The following PARD3B variants were observed in gnomAD, a reference collection of about 807,000 sequenced individuals.
PARD3B encodes partitioning defective 3 homolog B.
A neutral mutation model predicts 130.2 loss-of-function variants in PARD3B; 103 were observed. The observed-to-expected ratio is 0.79, with a 90% CI of 0.67 to 0.93. PARD3B has a LOEUF of 0.93. Among genes scored for constraint, PARD3B ranks in the 40% least tolerant of loss-of-function variants. PARD3B has a pLI of 0.00. For synonymous variants in PARD3B, 583 were observed against 553.2 expected (o/e 1.05, Z -0.76); for missense variants, 1,609 against 1,499.2 (o/e 1.07, Z -1.21).
At chr2:204,978,643 T>A (rs957972314) in intron 3 of PARD3B, among the ~76,000 whole-genome samples, 1 of 152,094 alleles carries the variant, frequency 6.6e-6, no homozygotes, top group African/African-American at 2.4e-5. Context: ...CTTTTTTGCC[T>A]CCTCCTTTCC....
intron 1 of PARD3B, among the ~76,000 whole-genome samples, chr2:204,592,299 T>C (rs908105289): frequency 6.6e-6 from 1 of 152,268 alleles, no homozygotes; most frequent in East Asian, 1.9e-4. Context: ...AGTAGTCTTA[T>C]GACCTAGTGG....
At position 204,907,069 on chromosome 2, in the gene PARD3B, C is replaced by T. The variant is rs1444437043; in HGVS notation, c.223-58083C>T. Among the ~76,000 whole-genome samples, 1 of 152,082 alleles carries T rather than the reference C, an allele frequency of 6.6e-6. No individual in the cohort carries two copies. The highest frequency in any genetic ancestry group is 6.5e-5 in the Admixed American group (1 of 15,268). The stretch of plus-strand genomic sequence containing the variant: ...GATCTCGGCTCACTGTAACCTCCAC[C>T]TCCCGGGTTGTAGCAATTCTCCTGC... On this transcript the variant is annotated intron_variant, in intron 2 of 22. Transcript: ENST00000406610. This position sits in a 1 kb window ranked among gnomAD's most constrained non-coding sequence, Gnocchi z 5.7.
At chr2:205,305,746 G>C (rs1432174543) in intron 18 of PARD3B, among the ~76,000 whole-genome samples, 1 of 152,076 alleles carries the variant, frequency 6.6e-6, no homozygotes, top group Non-Finnish European at 1.5e-5. Context: ...GTCTTCATCT[G>C]AAACATGAGA....
rs540062563 is a variant in PARD3B at position 205,030,803 on chromosome 2, G to A, written c.395-16778G>A. ...TGTTTCATGGCCACAGATTCCTCCC[G>A]TGTTAGTATGCATGGCCCTTTGTAA... On this transcript the variant is annotated intron_variant, in intron 3 of 22. Coordinates refer to ENST00000406610, the MANE Select transcript of PARD3B (RefSeq NM_001302769.2). Among the ~76,000 whole-genome samples, 13 of 152,168 alleles carry A rather than the reference G, an allele frequency of 8.5e-5. No homozygotes were observed. In the East Asian group the frequency reaches 2.1e-3, roughly 25 times the overall value.
At chr2:204,680,036 C>T (rs2036750834) in intron 1 of PARD3B, among the ~76,000 whole-genome samples, 1 of 151,700 alleles carries the variant, frequency 6.6e-6, no homozygotes, top group South Asian at 2.1e-4. Context: ...CTTGTAATAT[C>T]CTTGTAAGGA....
At chr2:205,379,463 ATTATAT>A (rs2045221987) in intron 18 of PARD3B, among the ~76,000 whole-genome samples, 1 of 151,888 alleles carries the variant, frequency 6.6e-6, no homozygotes, top group South Asian at 2.1e-4. Flanking sequence ...GTCTAATATT[ATTATAT>A]TTGGGGTTTT....
At chr2:205,586,749 T>C (rs1238334213) in intron 22 of PARD3B, among the ~76,000 whole-genome samples, 4 of 152,200 alleles carry the variant, frequency 2.6e-5, no homozygotes. Flanking sequence ...TAGTATTTGA[T>C]GCCCTGTTAT....
At position 205,300,136 on chromosome 2, in the gene PARD3B, G is replaced by C. The variant is rs1427972939; in HGVS notation, c.2186-394G>C. 6.6e-6 allele frequency among the ~76,000 whole-genome samples: 1 copy of C among 152,188 alleles called. No individual in the cohort carries two copies. Among genetic ancestry groups the C allele is most frequent in the Non-Finnish European group, 1.5e-5 (1 of 68,032 alleles). ...GCTTGGTATGTTTGTGTGTGTGTCT[G>C]TGAGTATGCATGTGTGTATGTGGGT... On this transcript the variant is annotated intron_variant, in intron 16 of 22. Transcript: ENST00000406610. The surrounding 1 kb of genome is among the most constrained non-coding windows in gnomAD (Gnocchi z 4.1).
At chr2:204,964,371 C>G (rs767432436) in intron 2 of PARD3B, among the ~76,000 whole-genome samples, 3 of 152,130 alleles carry the variant, frequency 2.0e-5, no homozygotes, top group Non-Finnish European at 4.4e-5. Context: ...TTAAAGATAC[C>G]TTGCCCTTAT....
intron 19 of PARD3B, among the ~76,000 whole-genome samples, chr2:205,413,674 T>A (rs759152037): frequency 6.6e-6 from 1 of 152,144 alleles, no homozygotes; most frequent in African/African-American, 2.4e-5. Context: ...AAATGAATCA[T>A]TGAAGCATAG....
chr2:205,503,142 G>A (rs749736767), intron 21 of PARD3B, among the ~76,000 whole-genome samples: 16 of 151,834 alleles, frequency 1.1e-4, no homozygotes, highest in Non-Finnish European at 2.2e-4. Context: ...GTGTAGACCA[G>A]GTGCTGATAA....
chr2:205,552,031 C>T (rs532930598), intron 21 of PARD3B, among the ~76,000 whole-genome samples: 5 of 152,146 alleles, frequency 3.3e-5, no homozygotes, highest in South Asian at 2.1e-4. Context: ...CTTTTAAATA[C>T]GTGTTACGTG....
intron 2 of PARD3B, among the ~76,000 whole-genome samples, chr2:204,832,241 A>G (rs929050162): frequency 2.6e-5 from 4 of 151,974 alleles, no homozygotes; most frequent in Non-Finnish European, 1.5e-5. Flanking sequence ...ACAAACAAAC[A>G]AACAAAAACA....
chr2:204,709,901 T>C (rs920640555), intron 2 of PARD3B, among the ~76,000 whole-genome samples: 1 of 152,236 alleles, frequency 6.6e-6, no homozygotes, highest in African/African-American at 2.4e-5. Context: ...TTTAAGTGAT[T>C]GTGAAATAAT....
At chr2:204,778,169 G>A (rs976161855) in intron 2 of PARD3B, among the ~76,000 whole-genome samples, 2 of 149,072 alleles carry the variant, frequency 1.3e-5, no homozygotes, top group African/African-American at 2.5e-5. Context: ...AAAAAAGATC[G>A]TCATCTTGTT....
At chr2:205,354,791 A>G (rs896933716) in intron 18 of PARD3B, among the ~76,000 whole-genome samples, 8 of 152,188 alleles carry the variant, frequency 5.3e-5, no homozygotes, top group African/African-American at 1.7e-4. Flanking sequence ...GAAGCTTACA[A>G]TAGATTTGAT....
chr2:204,979,110 G>T (rs1163684377), intron 3 of PARD3B, among the ~76,000 whole-genome samples: 2 of 152,046 alleles, frequency 1.3e-5, no homozygotes, highest in Non-Finnish European at 2.9e-5. Flanking sequence ...GGAGGCTGAG[G>T]CAGGAGAATG....
At chr2:205,459,817 C>T (rs2048390350) in intron 20 of PARD3B, among the ~76,000 whole-genome samples, 1 of 152,156 alleles carries the variant, frequency 6.6e-6, no homozygotes, top group South Asian at 2.1e-4. Flanking sequence ...TCAGTGTTCA[C>T]CACAGAAAAT....
intron 16 of PARD3B, among the ~76,000 whole-genome samples, chr2:205,278,794 G>A (rs971840375): frequency 6.6e-6 from 1 of 152,088 alleles, no homozygotes; most frequent in African/African-American, 2.4e-5. Flanking sequence ...CATAGGCTGA[G>A]CGCTGTGGCT....
Sources: gnomAD v4.1 joint callset for allele counts (sites outside exome capture counted in the v4.1 genomes callset) on GRCh38, gnomAD v4.1.1 for gene constraint, Gnocchi (gnomAD v3.1) non-coding constraint, MANE v1.5 for transcripts, NCBI Gene and HGNC (gene_info 2026-07-23, HGNC 2026-07-21) for gene names.